The following VPS13B variants were observed in gnomAD, a reference collection of about 807,000 sequenced individuals.
VPS13B encodes intermembrane lipid transfer protein VPS13B.
VPS13B carries 285 observed loss-of-function variants against 426.4 expected under a neutral mutation model. The observed-to-expected ratio is 0.67, with a 90% CI of 0.61 to 0.74. The LOEUF (loss-of-function observed/expected upper bound fraction) is 0.74. Among genes scored for constraint, VPS13B ranks in the 30% least tolerant of loss-of-function variants. VPS13B has a pLI of 0.00. For synonymous variants in VPS13B, 1,676 were observed against 1,676.4 expected (o/e 1.00, Z 0.01); for missense variants, 4,537 against 4,782.6 (o/e 0.95, Z 1.51).
chr8:99,625,465 C>T (rs1828570313), intron 33 of VPS13B, among the ~76,000 whole-genome samples: 1 of 152,070 alleles, frequency 6.6e-6, no homozygotes, highest in African/African-American at 2.4e-5. Context: ...AGCAACCAAG[C>T]ACTTTGAGAG....
chr8:99,641,255 C>A (rs1829344947), intron 33 of VPS13B, among the ~76,000 whole-genome samples: 1 of 152,150 alleles, frequency 6.6e-6, no homozygotes, highest in East Asian at 1.9e-4. Context: ...AAATAAACAT[C>A]TTTTGAAATG....
rs573343038 is a variant in VPS13B, at chr8:99,686,246, G to T, written c.6047-13279G>T. On this transcript the variant is annotated intron_variant, in intron 35 of 61. Coordinates refer to ENST00000357162, the MANE Select transcript of VPS13B (RefSeq NM_152564.5). ...CTCTGTACTGAGCTGCCTGGAGCTG[G>T]GGCTAAGGAAGGTAACACAAGCACC... Among the ~76,000 whole-genome samples the T allele has an allele frequency of 5.3e-5, 8 of 152,236 alleles. No homozygotes were observed. The South Asian group carries it at 8.3e-4, about 16-fold the overall frequency.
At chr8:99,150,048 A>G (rs1810977754) in intron 14 of VPS13B, among the ~76,000 whole-genome samples, 2 of 152,172 alleles carry the variant, frequency 1.3e-5, no homozygotes, top group Admixed American at 6.5e-5. Context: ...AACTTTAAAG[A>G]AGTTATGTAA....
At chr8:99,469,598 T>A (rs1026192813) in intron 24 of VPS13B, among the ~76,000 whole-genome samples, 3 of 152,204 alleles carry the variant, frequency 2.0e-5, no homozygotes, top group African/African-American at 7.2e-5. Context: ...GAAATGACTA[T>A]CTTCTTTGAG....
intron 12 of VPS13B, among the ~76,000 whole-genome samples, chr8:99,138,071 G>A (rs1201854200): frequency 1.3e-5 from 2 of 151,954 alleles, no homozygotes; most frequent in Admixed American, 1.3e-4. Flanking sequence ...TGATAACAGT[G>A]GTATCACTGT....
intron 19 of VPS13B, among the ~76,000 whole-genome samples, chr8:99,329,016 AT>A (rs796209046): frequency 6.6e-6 from 1 of 151,978 alleles, no homozygotes; most frequent in Non-Finnish European, 1.5e-5. Flanking sequence ...TACTGTGCTT[AT>A]TTTTTCAGTT....
At chr8:99,201,003 A>AT (rs1005170824) in intron 17 of VPS13B, among the ~76,000 whole-genome samples, 4 of 149,664 alleles carry the variant, frequency 2.7e-5, no homozygotes, top group Admixed American at 6.6e-5. Flanking sequence ...TATTTTTTTC[A>AT]TTTTTTTTAA....
chr8:99,274,932 T>G, intron 18 of VPS13B, 149 bp from the exon 19 acceptor site: 1 of 668,234 alleles, frequency 1.5e-6, no homozygotes, highest in Non-Finnish European at 2.3e-6. Flanking sequence ...GCTTTACATT[T>G]TATGAGACTC....
At chr8:99,222,103 C>T (rs1815755732) in intron 17 of VPS13B, among the ~76,000 whole-genome samples, 1 of 152,102 alleles carries the variant, frequency 6.6e-6, no homozygotes, top group Non-Finnish European at 1.5e-5. Context: ...ATCACTGGGA[C>T]AATTAAGAAG....
intron 19 of VPS13B, among the ~76,000 whole-genome samples, chr8:99,333,479 T>C (rs954491034): frequency 4.0e-5 from 6 of 151,858 alleles, no homozygotes; most frequent in African/African-American, 7.2e-5. Context: ...ATACAATACA[T>C]AGATCTTGTT....
Position 99,699,505 on chromosome 8 carries a change from T to G in VPS13B, c.6047-20T>G. 1 of 1,611,766 alleles carries G rather than the reference T, an allele frequency of 6.2e-7. No individual in the cohort carries two copies. The highest frequency in any genetic ancestry group is 2.2e-5 in the East Asian group (1 of 44,858). On this transcript the variant is annotated intron_variant, in intron 35 of 61. Coordinates refer to ENST00000357162, the MANE Select transcript of VPS13B (RefSeq NM_152564.5). ...AGTAAGAAAGCTTCAATAATTGTTT[T>G]CTCTTTTTTACTTCTATAGCGGATG...
rs1480275983 is a variant in VPS13B at position 99,835,489 on chromosome 8, G to A, written c.9743-50G>A. ...TGCCACATTATGTTCTGTCCCCCAA[G>A]TCTCTGTCTTTAAGGGCTAATTCTG... On this transcript the variant is annotated intron_variant, in intron 53 of 61. Coordinates refer to ENST00000357162, the MANE Select transcript of VPS13B (RefSeq NM_152564.5). 6.3e-6 allele frequency: 10 copies of A among 1,580,750 alleles called. No individual in the cohort carries two copies. The East Asian group carries it at 2.0e-4, about 32-fold the overall frequency.
At chr8:99,345,355 A>G (rs1811481952) in intron 19 of VPS13B, among the ~76,000 whole-genome samples, 2 of 152,200 alleles carry the variant, frequency 1.3e-5, no homozygotes, top group African/African-American at 4.8e-5. Flanking sequence ...CTATTTCTAT[A>G]AGGACCACAT....
At chr8:99,449,014 AGAG>A (rs1417407796) in intron 23 of VPS13B, among the ~76,000 whole-genome samples, 1 of 152,132 alleles carries the variant, frequency 6.6e-6, no homozygotes, top group Admixed American at 6.5e-5. Flanking sequence ...TAGTAAGTAT[AGAG>A]GATGGATTGG....
intron 15 of VPS13B, among the ~76,000 whole-genome samples, chr8:99,163,952 GTCACCTCTCAA>G (rs1811840858): frequency 6.6e-6 from 1 of 152,186 alleles, no homozygotes; most frequent in South Asian, 2.1e-4. Flanking sequence ...CCAGCATGCT[GTCACCTCTCAA>G]TCCCCCCTCT....
At chr8:99,379,494 A>G (rs890962708) in intron 19 of VPS13B, among the ~76,000 whole-genome samples, 1 of 152,136 alleles carries the variant, frequency 6.6e-6, no homozygotes, top group Non-Finnish European at 1.5e-5. Flanking sequence ...TTTCCTGAAT[A>G]TTCATTTTGG....
At chr8:99,500,534 A>T (rs1821171069) in intron 25 of VPS13B, among the ~76,000 whole-genome samples, 1 of 152,152 alleles carries the variant, frequency 6.6e-6, no homozygotes, top group South Asian at 2.1e-4. Flanking sequence ...GTACAGTTAA[A>T]CTACTTGCCT....
At chr8:99,601,086 G>A (rs1827276657) in intron 33 of VPS13B, among the ~76,000 whole-genome samples, 1 of 151,942 alleles carries the variant, frequency 6.6e-6, no homozygotes, top group South Asian at 2.1e-4. Context: ...TACCATGGTG[G>A]TTTGCTGCAC....
chr8:99,501,847 A>G lies in VPS13B; in HGVS notation c.4031A>G (p.Asn1344Ser). 6.2e-7 allele frequency: 1 copy of G among 1,613,986 alleles called. No homozygotes were observed. Among genetic ancestry groups the G allele is most frequent in the Non-Finnish European group, 8.5e-7 (1 of 1,179,992 alleles). ...TIKLFAPDPE[N>S]KGTEVCMVSE... ...AAGCTCTTTGCTCCAGATCCTGAAA[A>G]TAAAGGCACAGGTACAGGATTCCTT... The change falls in exon 26 of 62, where the codon AAT (asparagine) becomes AGT (serine). Residue 1344 changes from asparagine (N) to serine (S), a missense_variant. Asn to Ser is a conservative substitution (Grantham distance 46). This residue lies in a region of VPS13B where 4,311 missense variants were observed against 4,474.3 expected (regional missense o/e 0.96). Coordinates refer to ENST00000357162, the MANE Select transcript of VPS13B (RefSeq NM_152564.5).
Sources: allele counts gnomAD v4.1 joint callset (sites outside exome capture counted in the v4.1 genomes callset), GRCh38; gene constraint gnomAD v4.1.1; regional missense constraint gnomAD v4.1.1; transcripts MANE v1.5; gene names NCBI Gene and HGNC (gene_info 2026-07-23, HGNC 2026-07-21).